Variants in PRKDC observed in about 807,000 individuals in gnomAD.
The protein encoded by PRKDC is protein kinase, DNA-activated, catalytic subunit, also known as DNA-dependent protein kinase catalytic subunit.
Under a neutral mutation model 486.9 loss-of-function variants are expected in PRKDC, and 82 were observed. The ratio of observed to expected loss-of-function variants is 0.17; its 90% CI spans 0.14 to 0.20. The LOEUF (loss-of-function observed/expected upper bound fraction) is 0.20. Ranked by LOEUF, PRKDC falls within the 10% of genes least tolerant of loss-of-function variation. PRKDC has a pLI of 1.00. For missense variants in PRKDC, 4,504 were observed against 5,038.2 expected (o/e 0.89, Z 3.21); for synonymous variants, 1,895 against 1,837.0 (o/e 1.03, Z -0.81).
In PRKDC at chr8:47,837,228, G is replaced by A. The variant is rs761725887; in HGVS notation, c.7745C>T (p.Ser2582Leu). ...YPNPMFEHPLSECEFQEYTID... is the reference protein window; with the variant it reads ...YPNPMFEHPLLECEFQEYTID... Reference sequence around the variant, plus strand: ...CCACATTACCTGAAATTCGCATTCTGACAGAGGATGCTCGAACATGGGGTT... The same window carrying A: ...CCACATTACCTGAAATTCGCATTCTAACAGAGGATGCTCGAACATGGGGTT... Residue 2582 changes from serine to leucine, a missense_variant, in exon 57 of 86, where the codon TCA becomes TTA. By Grantham distance (145) the Ser-to-Leu change is moderately radical. Around this residue, in one of 6 missense-constraint regions of PRKDC, gnomAD observed 1,592 missense variants for 1,724.6 expected, o/e 0.92. Transcript: ENST00000314191. The A allele has an allele frequency of 6.2e-7, 1 of 1,613,480 alleles. No homozygotes were observed. The highest frequency in any genetic ancestry group is 8.5e-7 in the Non-Finnish European group (1 of 1,179,536).
In PRKDC at chr8:47,879,653, T is replaced by C; in HGVS notation, c.5073A>G (p.Gln1691=). 1.9e-6 allele frequency: 3 copies of C among 1,571,204 alleles called. No individual in the cohort carries two copies. Among genetic ancestry groups the C allele is most frequent in the Non-Finnish European group, 2.6e-6 (3 of 1,162,884 alleles). The change falls in exon 39 of 86, where the codon CAA becomes CAG. Residue 1691 remains glutamine, a synonymous_variant. Coordinates refer to ENST00000314191, the MANE Select transcript of PRKDC (RefSeq NM_006904.7). ...DTKLDLHLKG[Q]AVTLLPFFTS... is the part of the protein sequence containing the mutation. ...TGAAGAATGGAAGAAGAGTGACAGC[T>C]TGGCCCTGTGGAGCAAGACAGACAT... is the stretch of plus-strand genomic sequence containing the variant.
chr8:47,793,028 C>T (rs1487520397), intron 74 of PRKDC, among the ~76,000 whole-genome samples: 7 of 152,160 alleles, frequency 4.6e-5, no homozygotes, highest in Admixed American at 1.3e-4. Context: ...AGTACAGTCA[C>T]GCACCACCAT....
chr8:47,959,943 A>AC (rs961199031), intron 1 of PRKDC, 30 bp downstream of exon 1: 5 of 1,517,908 alleles, frequency 3.3e-6, no homozygotes, highest in Non-Finnish European at 3.5e-6. Context: ...GCCAGGACCC[A>AC]CCCGCGGCCC....
At chr8:47,892,431 A>G (rs1189321776) in intron 31 of PRKDC, among the ~76,000 whole-genome samples, 1 of 152,104 alleles carries the variant, frequency 6.6e-6, no homozygotes, top group Non-Finnish European at 1.5e-5. Context: ...TCCAGGCTCA[A>G]GCGATCCTCC....
At chr8:47,826,937 T>C (rs2087751811) in intron 62 of PRKDC, 76 bp from the exon 63 acceptor site, 1 of 1,383,094 alleles carries the variant, frequency 7.2e-7, no homozygotes, top group East Asian at 2.5e-5. Context: ...TAACATACTT[T>C]ACTAAACATA....
At position 47,902,700 on chromosome 8, in the gene PRKDC, T is replaced by C. The variant is rs2089710131; in HGVS notation, c.3138A>G (p.Pro1046=). 1 of 1,613,822 alleles carries C rather than the reference T, an allele frequency of 6.2e-7. No individual in the cohort carries two copies. Among genetic ancestry groups the C allele is most frequent in the Admixed American group, 1.7e-5 (1 of 60,004 alleles). Residue 1046 remains proline, a synonymous_variant, in exon 27 of 86, where the codon CCA becomes CCG. Transcript: ENST00000314191. ...TTACTGGACTCTTCTCCTGCTGCTG[T>C]GGTGTTATTTGCTTAATGGACCATT... ...FLKWSIKQIT[P]QQQEKSPVNT...
At chr8:47,957,594 T>A (rs1336721964) in intron 1 of PRKDC, among the ~76,000 whole-genome samples, 163 bp from the exon 2 acceptor site, 1 of 149,982 alleles carries the variant, frequency 6.7e-6, no homozygotes. Flanking sequence ...CACTGCAACC[T>A]CCGCCTCCCG....
At chr8:47,846,136 CCAGGTGCAGTGGCT>C (rs1305397112) in intron 54 of PRKDC, among the ~76,000 whole-genome samples, 1 of 152,224 alleles carries the variant, frequency 6.6e-6, no homozygotes, top group Admixed American at 6.5e-5. Context: ...ACATTCTGGG[CCAGGTGCAGTGGCT>C]CACGCCTATA....
chr8:47,821,168 A>C (rs1257785679), intron 65 of PRKDC, among the ~76,000 whole-genome samples: 1 of 152,202 alleles, frequency 6.6e-6, no homozygotes, highest in Non-Finnish European at 1.5e-5. Flanking sequence ...TCTACAAAAA[A>C]TGGGAACTAC....
At chr8:47,881,545 G>A (rs1486916297) in intron 37 of PRKDC, 25 bp from the exon 38 acceptor site, 1 of 1,222,254 alleles carries the variant, frequency 8.2e-7, no homozygotes, top group African/African-American at 1.5e-5. Context: ...AGAAAAACAG[G>A]ACACATTTGT....
intron 51 of PRKDC, 133 bp downstream of exon 51, chr8:47,853,950 A>G: frequency 8.6e-7 from 1 of 1,166,002 alleles, no homozygotes; most frequent in Non-Finnish European, 1.2e-6. Flanking sequence ...TACAGGCATG[A>G]GCCACCGTGC....
intron 73 of PRKDC, among the ~76,000 whole-genome samples, chr8:47,794,745 T>C (rs1054582246): frequency 6.6e-6 from 1 of 152,244 alleles, no homozygotes; most frequent in Non-Finnish European, 1.5e-5. Flanking sequence ...CTGGTTGTTC[T>C]TAGACAGATG....
At position 47,834,247 on chromosome 8, in the gene PRKDC, C is replaced by T; in HGVS notation, c.8101G>A (p.Gly2701Arg). The change falls in exon 59 of 86, where the codon GGG becomes AGG. Residue 2701 changes from glycine to arginine, a missense_variant. Gly to Arg is a moderately radical substitution (Grantham distance 125). Transcript: ENST00000314191. ...APLKSVGPDF[G>R]KKRLGLPGDE... ...CCTGGAAGGCCCAGCCTTTTTTTCC[C>T]AAAATCAGGCCCCACTGACTTCAAG... 1 of 1,613,944 alleles carries T rather than the reference C, an allele frequency of 6.2e-7. No individual in the cohort carries two copies. The highest frequency in any genetic ancestry group is 8.5e-7 in the Non-Finnish European group (1 of 1,179,876).
intron 54 of PRKDC, among the ~76,000 whole-genome samples, chr8:47,843,608 G>T (rs1246280905): frequency 6.6e-6 from 1 of 152,106 alleles, no homozygotes; most frequent in Non-Finnish European, 1.5e-5. Flanking sequence ...GATTTTCCAA[G>T]GTCGATGTGA....
At chr8:47,861,072 TAAACA>T (rs2088666870) in intron 44 of PRKDC, 101 bp from the exon 45 acceptor site, 2 of 828,574 alleles carry the variant, frequency 2.4e-6, no homozygotes, top group Admixed American at 6.7e-5. Flanking sequence ...TATAAATTTT[TAAACA>T]AAACAAAACA....
At chr8:47,941,157 C>T (rs1263217500) in intron 10 of PRKDC, among the ~76,000 whole-genome samples, 2 of 150,606 alleles carry the variant, frequency 1.3e-5, no homozygotes, top group African/African-American at 4.9e-5. Flanking sequence ...AAAAAAACAG[C>T]AACAAAAAAA....
chr8:47,805,102 C>G (rs2087193157), intron 69 of PRKDC: 1 of 151,812 alleles, frequency 6.6e-6, no homozygotes, highest in Non-Finnish European at 1.5e-5. Flanking sequence ...AGTGAAGCAT[C>G]AGAAGTGGAG....
At chr8:47,812,862 G>A (rs563770023) in intron 68 of PRKDC, among the ~76,000 whole-genome samples, 2 of 151,744 alleles carry the variant, frequency 1.3e-5, no homozygotes, top group Non-Finnish European at 1.5e-5. Flanking sequence ...TGTTAAAAAA[G>A]AGAACACAAA....
At chr8:47,850,772 G>A (rs2088384900) in intron 52 of PRKDC, among the ~76,000 whole-genome samples, 1 of 152,170 alleles carries the variant, frequency 6.6e-6, no homozygotes, top group Non-Finnish European at 1.5e-5. Context: ...AGGTGCTGAG[G>A]GACATTGCGT....
Sources: allele counts gnomAD v4.1 joint callset (sites outside exome capture counted in the v4.1 genomes callset), GRCh38; gene constraint gnomAD v4.1.1; regional missense constraint gnomAD v4.1.1; transcripts MANE v1.5; gene names NCBI Gene and HGNC (gene_info 2026-07-23, HGNC 2026-07-21).